Variants in ENTREP2 observed in about 807,000 individuals in gnomAD.
ENTREP2 encodes endosomal transmembrane epsin interactor 2.
the ENTREP2 span, among the ~76,000 whole-genome samples, chr15:29,554,326 A>AAAGG: frequency 3.7e-4 from 56 of 151,416 alleles, no homozygotes; most frequent in Admixed American, 1.6e-3. Context: ...AAAAAAAAAA[A>AAAGG]AAGGAAGGAA....
chr15:29,659,464 C>A, the ENTREP2 span, among the ~76,000 whole-genome samples: 1 of 151,948 alleles, frequency 6.6e-6, no homozygotes, highest in African/African-American at 2.4e-5. Flanking sequence ...GTGCGAGACT[C>A]CATCTCAAAA....
At chr15:29,387,974 T>C in the ENTREP2 span, among the ~76,000 whole-genome samples, 1 of 152,140 alleles carries the variant, frequency 6.6e-6, no homozygotes. Context: ...TAATTCAAGA[T>C]GGATTAAAGA....
the ENTREP2 span, chr15:29,269,657 T>G: frequency 1.3e-6 from 2 of 1,567,302 alleles, no homozygotes; most frequent in South Asian, 2.3e-5. Flanking sequence ...TCTCTGTCCC[T>G]CTCGGCCTGG....
At chr15:29,190,180 A>G in the ENTREP2 span, among the ~76,000 whole-genome samples, 1 of 152,124 alleles carries the variant, frequency 6.6e-6, no homozygotes. Context: ...CCATCGGTCA[A>G]TGGACCCCAG....
chr15:29,259,337 T>G, the ENTREP2 span, among the ~76,000 whole-genome samples: 1 of 152,228 alleles, frequency 6.6e-6, no homozygotes, highest in East Asian at 1.9e-4. Flanking sequence ...ATTTCCTTCT[T>G]GACCAATCTC....
chr15:29,143,854 C>T, the ENTREP2 span, among the ~76,000 whole-genome samples: 1 of 152,144 alleles, frequency 6.6e-6, no homozygotes, highest in Admixed American at 6.5e-5. Context: ...AACACAGAAA[C>T]AGCAGTGAGC....
At chr15:29,592,380 G>C in the ENTREP2 span, among the ~76,000 whole-genome samples, 1 of 152,146 alleles carries the variant, frequency 6.6e-6, no homozygotes, top group African/African-American at 2.4e-5. Flanking sequence ...AAACGTATTG[G>C]CTCATGGCTC....
At chr15:29,669,663 G>A in the ENTREP2 span, among the ~76,000 whole-genome samples, 2 of 152,196 alleles carry the variant, frequency 1.3e-5, no homozygotes, top group African/African-American at 2.4e-5. Context: ...TGGAGGAAAG[G>A]AATGGACACT....
the ENTREP2 span, among the ~76,000 whole-genome samples, chr15:29,237,873 AATATATGCAC>A: frequency 6.6e-6 from 1 of 152,146 alleles, no homozygotes; most frequent in African/African-American, 2.4e-5. Context: ...GAGAAATGAA[AATATATGCAC>A]ATAAAAACTT....
At chr15:29,178,215 G>A in the ENTREP2 span, among the ~76,000 whole-genome samples, 5 of 151,034 alleles carry the variant, frequency 3.3e-5, no homozygotes, top group Non-Finnish European at 7.4e-5. Flanking sequence ...GATGGCTGGA[G>A]CCTGGGAGGT....
the ENTREP2 span, among the ~76,000 whole-genome samples, chr15:29,136,814 G>A: frequency 6.6e-6 from 1 of 151,972 alleles, no homozygotes; most frequent in Non-Finnish European, 1.5e-5. Flanking sequence ...AGCTTTGCAC[G>A]TCATGAGAAC....
At chr15:29,674,485 T>G in the ENTREP2 span, among the ~76,000 whole-genome samples, 2 of 152,116 alleles carry the variant, frequency 1.3e-5, no homozygotes, top group Non-Finnish European at 2.9e-5. Flanking sequence ...GGCCAGGATG[T>G]TCTCGAACCC....
At chr15:29,328,526 A>G in the ENTREP2 span, among the ~76,000 whole-genome samples, 1 of 152,214 alleles carries the variant, frequency 6.6e-6, no homozygotes, top group Non-Finnish European at 1.5e-5. Context: ...GTTGGGGGGA[A>G]AAGGTGCTGA....
At chr15:29,385,427 CATT>C in the ENTREP2 span, among the ~76,000 whole-genome samples, 1 of 152,150 alleles carries the variant, frequency 6.6e-6, no homozygotes, top group Non-Finnish European at 1.5e-5. Flanking sequence ...TTCCAAGTAT[CATT>C]AATAACTACA....
At chr15:29,600,809 T>C in the ENTREP2 span, among the ~76,000 whole-genome samples, 2 of 151,992 alleles carry the variant, frequency 1.3e-5, no homozygotes, top group Admixed American at 6.6e-5. Flanking sequence ...GTATTCACTT[T>C]GCATGGTACT....
the ENTREP2 span, among the ~76,000 whole-genome samples, chr15:29,351,975 C>T: frequency 5.9e-5 from 9 of 151,872 alleles, no homozygotes; most frequent in African/African-American, 2.2e-4. Context: ...TGCTATGTTG[C>T]CCAGGCAACA....
At chr15:29,248,688 TAAAC>T in the ENTREP2 span, among the ~76,000 whole-genome samples, 1 of 152,138 alleles carries the variant, frequency 6.6e-6, no homozygotes, top group Non-Finnish European at 1.5e-5. Context: ...AAATTCAAAT[TAAAC>T]AATGAAATCA....
chr15:29,279,447 C>T, the ENTREP2 span, among the ~76,000 whole-genome samples: 2 of 151,972 alleles, frequency 1.3e-5, no homozygotes, highest in African/African-American at 2.4e-5. Context: ...TCACTGCAAC[C>T]TCCACCTCCC....
the ENTREP2 span, chr15:29,570,571 G>A: frequency 4.8e-6 from 7 of 1,470,398 alleles, no homozygotes; most frequent in Admixed American, 6.9e-5. Flanking sequence ...CCAGCGCGGC[G>A]AAGCTGACTG....
Sources: allele counts gnomAD v4.1 joint callset (sites outside exome capture counted in the v4.1 genomes callset), GRCh38; gene constraint gnomAD v4.1.1; transcripts MANE v1.5; gene names NCBI Gene and HGNC (gene_info 2026-07-23, HGNC 2026-07-21).